The following MAD1L1 variants were observed in gnomAD, a reference collection of about 807,000 sequenced individuals.
MAD1L1 encodes the protein mitotic spindle assembly checkpoint protein MAD1.
A neutral mutation model predicts 96.9 loss-of-function variants in MAD1L1; 95 were observed. The observed-to-expected ratio is 0.98, with a 90% CI of 0.83 to 1.16. MAD1L1 has a LOEUF of 1.16. Ranked by LOEUF, MAD1L1 falls within the 50% of genes most tolerant of loss-of-function variation. MAD1L1 has a pLI of 0.00. For synonymous variants in MAD1L1, 473 were observed against 396.6 expected, an observed-to-expected ratio of 1.19 and a Z score of -2.29; for missense variants, 1,007 against 954.4, an observed-to-expected ratio of 1.06 and a Z score of -0.73.
intron 18 of MAD1L1, among the ~76,000 whole-genome samples, chr7:1,843,338 GC>G (rs1336704504): frequency 6.6e-6 from 1 of 152,160 alleles, no homozygotes; most frequent in Non-Finnish European, 1.5e-5. Flanking sequence ...GGCAAAGCTG[GC>G]CCCGGGGAGC....
chr7:1,990,374 T>C (rs1400269792), intron 14 of MAD1L1, among the ~76,000 whole-genome samples: 3 of 152,194 alleles, frequency 2.0e-5, no homozygotes, highest in Non-Finnish European at 4.4e-5. Context: ...CCAGGAAGGC[T>C]TCTGGAGTGG....
chr7:2,034,510 C>G (rs536162049), intron 12 of MAD1L1, among the ~76,000 whole-genome samples: 178 of 152,314 alleles, frequency 1.2e-3, no homozygotes, highest in African/African-American at 4.1e-3. Context: ...GCCACCGCAG[C>G]CGGCCAAGAG....
In MAD1L1 at chr7:1,936,623, C is replaced by T. The variant is rs556430851; in HGVS notation, c.1807+64G>A. The T allele has an allele frequency of 1.3e-4, 191 of 1,478,160 alleles. 1 individual carries two copies. The African/African-American group carries it at 2.4e-3, about 19-fold the overall frequency. 91.6% of individuals were successfully genotyped at this position (1,478,160 alleles called of 1,614,324 possible). On this transcript the variant is annotated intron_variant, in intron 17 of 18. Transcript: ENST00000265854. ...GGGGCGCCTGAGGCTGCCCCAAAGG[C>T]GCACGGATGGACCTACCCACGGAAG...
chr7:2,009,943 G>A (rs1236490250), intron 13 of MAD1L1, among the ~76,000 whole-genome samples: 1 of 152,160 alleles, frequency 6.6e-6, no homozygotes, highest in Non-Finnish European at 1.5e-5. Flanking sequence ...TCTGGGAATG[G>A]AGCCAGCACC....
At chr7:1,900,494 C>T (rs2128443331) in intron 17 of MAD1L1, among the ~76,000 whole-genome samples, 1 of 152,292 alleles carries the variant, frequency 6.6e-6, no homozygotes, top group South Asian at 2.1e-4. Flanking sequence ...GGCCCAGCCC[C>T]TCCAGCAGGA....
chr7:1,972,803 C>T (rs1022077553), intron 15 of MAD1L1, among the ~76,000 whole-genome samples: 1 of 152,120 alleles, frequency 6.6e-6, no homozygotes, highest in African/African-American at 2.4e-5. Flanking sequence ...CTGAGCATGA[C>T]GTACTTCCTT....
At chr7:1,922,927 C>T (rs542845459) in intron 17 of MAD1L1, among the ~76,000 whole-genome samples, 3 of 152,212 alleles carry the variant, frequency 2.0e-5, no homozygotes, top group South Asian at 4.1e-4. Context: ...AGCTGACGCT[C>T]GACACCAACC....
intron 11 of MAD1L1, among the ~76,000 whole-genome samples, chr7:2,108,784 C>A (rs1193950631): frequency 6.6e-6 from 1 of 152,184 alleles, no homozygotes; most frequent in African/African-American, 2.4e-5. Context: ...AACGGCTCAG[C>A]CTCGAGCTCC....
At chr7:1,980,309 A>G in intron 15 of MAD1L1, 144 bp downstream of exon 15, 1 of 661,318 alleles carries the variant, frequency 1.5e-6, no homozygotes, top group Non-Finnish European at 2.6e-6. Flanking sequence ...CCTCCGTGGG[A>G]CACACCTGGG....
intron 18 of MAD1L1, among the ~76,000 whole-genome samples, chr7:1,896,631 C>A (rs887823774): frequency 6.6e-6 from 1 of 152,234 alleles, no homozygotes; most frequent in Non-Finnish European, 1.5e-5. Context: ...AGCAGGACAG[C>A]GGCCACCTTT....
At chr7:2,007,685 C>T (rs1584060477) in intron 13 of MAD1L1, among the ~76,000 whole-genome samples, 1 of 152,172 alleles carries the variant, frequency 6.6e-6, no homozygotes, top group African/African-American at 2.4e-5. Flanking sequence ...ACACTGTCCC[C>T]GCCAAAAAAA....
At chr7:2,221,963 C>T (rs1678724804) in intron 5 of MAD1L1, among the ~76,000 whole-genome samples, 1 of 152,132 alleles carries the variant, frequency 6.6e-6, no homozygotes, top group African/African-American at 2.4e-5. Flanking sequence ...GGAAGGGCTA[C>T]CTGTCGCATA....
At chr7:2,056,410 C>T (rs891758804) in intron 12 of MAD1L1, among the ~76,000 whole-genome samples, 4 of 152,178 alleles carry the variant, frequency 2.6e-5, no homozygotes, top group Non-Finnish European at 5.9e-5. Context: ...CTCTGCTCTG[C>T]TCTGCTCTGC....
At position 2,146,737 on chromosome 7, in the gene MAD1L1, T is replaced by C. The variant is rs1221947195; in HGVS notation, c.1073+2415A>G. Among the ~76,000 whole-genome samples, 1 of 152,168 alleles carries C rather than the reference T, an allele frequency of 6.6e-6. No homozygotes were observed. The highest frequency in any genetic ancestry group is 1.5e-5 in the Non-Finnish European group (1 of 68,034). Reference sequence around the variant, plus strand: ...GGATCTGGGCCACCGTGGCCTCCCATCTTCTGCCATGCCGCCTCCTTCACG... The same window carrying C: ...GGATCTGGGCCACCGTGGCCTCCCACCTTCTGCCATGCCGCCTCCTTCACG... On this transcript the variant is annotated intron_variant, in intron 11 of 18. Transcript: ENST00000265854. This position sits in a 1 kb window ranked among gnomAD's most constrained non-coding sequence, Gnocchi z 6.2.
At position 1,856,706 on chromosome 7, in the gene MAD1L1, C is replaced by G. The variant is rs539381664; in HGVS notation, c.1999-40478G>C. 3.3e-5 allele frequency among the ~76,000 whole-genome samples: 5 copies of G among 152,280 alleles called. No individual in the cohort carries two copies. The South Asian group carries it at 1.0e-3, about 32-fold the overall frequency. On this transcript the variant is annotated intron_variant, in intron 18 of 18. Coordinates refer to ENST00000265854, the MANE Select transcript of MAD1L1 (RefSeq NM_001013836.2). ...CCCCGAAGATGGCATAGCCCCGCCG[C>G]GCTCCAGACCAGTCCCTGCTTCCTG...
intron 18 of MAD1L1, among the ~76,000 whole-genome samples, chr7:1,874,945 C>T (rs1785303030): frequency 6.6e-6 from 1 of 152,164 alleles, no homozygotes; most frequent in South Asian, 2.1e-4. Flanking sequence ...GAGTGGCCCC[C>T]ACCCCGGGCC....
chr7:1,976,884 T>C (rs539953519), intron 15 of MAD1L1, among the ~76,000 whole-genome samples: 20 of 152,234 alleles, frequency 1.3e-4, no homozygotes, highest in African/African-American at 3.9e-4. Flanking sequence ...TAGCTAGACA[T>C]AAAAGCTCTC....
chr7:2,221,107 C>T, intron 5 of MAD1L1: 3 of 1,360,854 alleles, frequency 2.2e-6, no homozygotes, highest in East Asian at 4.7e-5. Context: ...CATGACAGGC[C>T]AAAGCAGCAG....
At chr7:1,948,300 G>A (rs1777707187) in intron 16 of MAD1L1, among the ~76,000 whole-genome samples, 1 of 151,916 alleles carries the variant, frequency 6.6e-6, no homozygotes, top group Non-Finnish European at 1.5e-5. Context: ...ATGGGCCCCA[G>A]CAAACGCCCC....
Sources: allele counts gnomAD v4.1 joint callset (sites outside exome capture counted in the v4.1 genomes callset), GRCh38; gene constraint gnomAD v4.1.1; non-coding constraint Gnocchi (gnomAD v3.1); transcripts MANE v1.5; gene names NCBI Gene and HGNC (gene_info 2026-07-23, HGNC 2026-07-21).